Variants in RELN observed in about 807,000 individuals in gnomAD.
RELN encodes the protein reelin.
In RELN, 108 loss-of-function variants were observed where a neutral mutation model predicts 427.6. That is an observed-to-expected ratio of 0.25 (90% CI 0.22 to 0.30). The LOEUF (loss-of-function observed/expected upper bound fraction) is 0.30. RELN is among the 10% of genes least tolerant of loss of function. The probability of loss-of-function intolerance (pLI) is 1.00; values close to 1 mark genes in which losing one functional copy is unlikely to be tolerated. For missense variants in RELN, 3,715 were observed against 4,302.8 expected (o/e 0.86, Z 3.82); for synonymous variants, 1,524 against 1,513.4 (o/e 1.01, Z -0.16).
At chr7:103,602,189 C>G (rs1274158033) in intron 24 of RELN, among the ~76,000 whole-genome samples, 1 of 152,174 alleles carries the variant, frequency 6.6e-6, no homozygotes, top group Non-Finnish European at 1.5e-5. Flanking sequence ...AATATTAACT[C>G]ACTTAATCTA....
intron 3 of RELN, among the ~76,000 whole-genome samples, chr7:103,802,554 A>G (rs765937880): frequency 2.0e-5 from 3 of 152,176 alleles, no homozygotes; most frequent in Non-Finnish European, 2.9e-5. Context: ...AGTGCTGTAG[A>G]AGTCACACAA....
chr7:103,706,643 T>G (rs1584422760), intron 8 of RELN, among the ~76,000 whole-genome samples: 1 of 127,884 alleles, frequency 7.8e-6, no homozygotes, highest in Non-Finnish European at 1.5e-5. Context: ...TTTCTTTATC[T>G]TTTTTTTTTC....
intron 19 of RELN, among the ~76,000 whole-genome samples, chr7:103,633,271 A>T (rs2117342478): frequency 6.6e-6 from 1 of 152,258 alleles, no homozygotes; most frequent in South Asian, 2.1e-4. Context: ...GCAGCAATTT[A>T]CACTGAAGGA....
At chr7:103,644,326 A>G (rs749849718) in intron 16 of RELN, among the ~76,000 whole-genome samples, 1 of 151,756 alleles carries the variant, frequency 6.6e-6, no homozygotes, top group Non-Finnish European at 1.5e-5. Flanking sequence ...GAGATCCAAG[A>G]GAAAGGTAAA....
intron 20 of RELN, among the ~76,000 whole-genome samples, chr7:103,617,562 A>C (rs1250075382): frequency 6.6e-6 from 1 of 151,496 alleles, no homozygotes; most frequent in East Asian, 1.9e-4. Context: ...ATATATGTAT[A>C]TATATGTGTG....
chr7:103,675,872 TATACAAAAATTA>T (rs201949910), intron 11 of RELN, among the ~76,000 whole-genome samples: 35,660 of 151,668 alleles, frequency 0.24, 4,895 homozygotes, highest in South Asian at 0.37. Flanking sequence ...CCTTACACCT[TATACAAAAATTA>T]ATTCAAGATG....
chr7:103,702,972 C>A (rs1459844676), intron 8 of RELN, among the ~76,000 whole-genome samples: 1 of 152,150 alleles, frequency 6.6e-6, no homozygotes, highest in Non-Finnish European at 1.5e-5. Context: ...CAAATGTGTA[C>A]CCTGAGAAAC....
At chr7:103,766,532 G>A (rs1791428297) in intron 4 of RELN, among the ~76,000 whole-genome samples, 1 of 152,170 alleles carries the variant, frequency 6.6e-6, no homozygotes, top group Non-Finnish European at 1.5e-5. Flanking sequence ...TTTTACAATA[G>A]TTGGGTATAA....
In RELN at chr7:103,906,695, T is replaced by C. The variant is rs572209021; in HGVS notation, c.337+10380A>G. On this transcript the variant is annotated intron_variant, in intron 2 of 64. Transcript: ENST00000428762. ...ATTCCTAACTCCCATGCTAGTATAT[T>C]TGACATAGCTTGGCTTTTGTACCTT... 2.6e-5 allele frequency among the ~76,000 whole-genome samples: 4 copies of C among 152,298 alleles called. No homozygotes were observed. The East Asian group carries it at 5.8e-4, about 22-fold the overall frequency.
At chr7:103,741,730 G>A (rs1790664581) in intron 6 of RELN, among the ~76,000 whole-genome samples, 1 of 151,702 alleles carries the variant, frequency 6.6e-6, no homozygotes, top group Non-Finnish European at 1.5e-5. Context: ...GAAAGTGATG[G>A]GTATTGAGCA....
intron 3 of RELN, among the ~76,000 whole-genome samples, chr7:103,817,632 A>G (rs1160100951): frequency 6.6e-6 from 1 of 152,134 alleles, no homozygotes; most frequent in African/African-American, 2.4e-5. Flanking sequence ...TTAAAATTTT[A>G]CTTTCCCAGT....
chr7:103,811,535 C>G (rs977860237), intron 3 of RELN, among the ~76,000 whole-genome samples: 2 of 152,162 alleles, frequency 1.3e-5, no homozygotes, highest in African/African-American at 4.8e-5. Context: ...ATAGCCTGCA[C>G]AGAGACTGCA....
chr7:103,873,238 C>A, intron 2 of RELN, among the ~76,000 whole-genome samples: 1 of 143,152 alleles, frequency 7.0e-6, no homozygotes, highest in East Asian at 2.2e-4. Flanking sequence ...CACTAAATGC[C>A]CACAAGAGAA....
intron 27 of RELN, among the ~76,000 whole-genome samples, chr7:103,593,073 A>C (rs557575100): frequency 2.0e-5 from 3 of 152,284 alleles, no homozygotes; most frequent in South Asian, 4.1e-4. Flanking sequence ...GCTCATTAAA[A>C]CTGCATTACT....
At chr7:103,849,551 C>T (rs1474212061) in intron 2 of RELN, among the ~76,000 whole-genome samples, 1 of 152,162 alleles carries the variant, frequency 6.6e-6, no homozygotes, top group Non-Finnish European at 1.5e-5. Flanking sequence ...CTGCGTATCC[C>T]CTACCTACAT....
In RELN at chr7:103,988,018, C is replaced by A. The variant is rs1797139787; in HGVS notation, c.226+1113G>T. Among the ~76,000 whole-genome samples, 1 of 152,138 alleles carries A rather than the reference C, an allele frequency of 6.6e-6. No homozygotes were observed. The highest frequency in any genetic ancestry group is 1.9e-4 in the East Asian group (1 of 5,194). On this transcript the variant is annotated intron_variant, in intron 1 of 64. Transcript: ENST00000428762. This position sits in a 1 kb window ranked among gnomAD's most constrained non-coding sequence, Gnocchi z 4.9. The stretch of plus-strand genomic sequence containing the variant: ...AATGCTTGTCTATCTTAAGTGCTAG[C>A]ACCCCGTAGATTATCTCCCGCCATG...
chr7:103,881,474 CTCTT>C (rs66481463), intron 2 of RELN, among the ~76,000 whole-genome samples: 18,157 of 152,036 alleles, frequency 0.12, 1,179 homozygotes, highest in South Asian at 0.15. Flanking sequence ...AAACCTAAAG[CTCTT>C]TCTTTATTTC....
chr7:103,802,712 G>A (rs551439558), intron 3 of RELN, among the ~76,000 whole-genome samples: 2 of 152,100 alleles, frequency 1.3e-5, no homozygotes, highest in African/African-American at 4.8e-5. Flanking sequence ...ATCAGAGTAC[G>A]GGCTTCATTT....
At chr7:103,524,790 G>T (rs946467914) in intron 46 of RELN, among the ~76,000 whole-genome samples, 1 of 152,182 alleles carries the variant, frequency 6.6e-6, no homozygotes, top group Non-Finnish European at 1.5e-5. Flanking sequence ...GAAGAGGTCA[G>T]TCCAATACAT....
Sources: allele counts gnomAD v4.1 joint callset (sites outside exome capture counted in the v4.1 genomes callset), GRCh38; gene constraint gnomAD v4.1.1; non-coding constraint Gnocchi (gnomAD v3.1); transcripts MANE v1.5; gene names NCBI Gene and HGNC (gene_info 2026-07-23, HGNC 2026-07-21).